The following CD200 variants were observed in gnomAD, a reference collection of about 807,000 sequenced individuals.
CD200 encodes CD200 molecule.
CD200 carries 15 observed loss-of-function variants against 30.9 expected under a neutral mutation model. That is an observed-to-expected ratio of 0.49 (90% CI 0.32 to 0.75). The LOEUF is 0.75. Among genes scored for constraint, CD200 ranks in the 30% least tolerant of loss-of-function variants. The pLI is 0.03. For synonymous variants in CD200, 134 were observed against 126.2 expected (o/e 1.06, Z -0.41); for missense variants, 262 against 324.2 (o/e 0.81, Z 1.47).
chr3:112,333,136 G>C (rs543166771), upstream of CD200: 1,876 of 1,541,786 alleles, frequency 1.2e-3, 5 homozygotes, highest in Non-Finnish European at 1.4e-3. Flanking sequence ...CACAGGTGAC[G>C]CTCCTCCCGC....
At chr3:112,358,686 T>G (rs1021351867) in intron 5 of CD200, among the ~76,000 whole-genome samples, 2 of 152,198 alleles carry the variant, frequency 1.3e-5, no homozygotes, top group African/African-American at 2.4e-5. Flanking sequence ...AAGGTGCTTG[T>G]AGATCCAAAG....
intron 3 of CD200, among the ~76,000 whole-genome samples, chr3:112,346,829 G>C (rs1189759835): frequency 6.6e-6 from 1 of 152,110 alleles, no homozygotes; most frequent in Admixed American, 6.6e-5. Context: ...ACTAGTCAGG[G>C]GATTTTCAAA....
chr3:112,353,561 T>C (rs980223102), intron 5 of CD200, among the ~76,000 whole-genome samples: 3 of 152,240 alleles, frequency 2.0e-5, no homozygotes, highest in African/African-American at 7.2e-5. Context: ...CGTCATTTCC[T>C]GGATAACAGC....
At chr3:112,359,963 C>T (rs540268049) in intron 5 of CD200, among the ~76,000 whole-genome samples, 1 of 152,306 alleles carries the variant, frequency 6.6e-6, no homozygotes, top group East Asian at 1.9e-4. Flanking sequence ...ATAATCCAGC[C>T]ATGGAGGAGA....
intron 5 of CD200, among the ~76,000 whole-genome samples, chr3:112,361,246 A>G (rs1184088596): frequency 6.6e-6 from 1 of 151,806 alleles, no homozygotes; most frequent in African/African-American, 2.4e-5. Flanking sequence ...AGGTCTTACT[A>G]TGTTGCCCAG....
intron 5 of CD200, among the ~76,000 whole-genome samples, chr3:112,358,683 T>C (rs1291935475): frequency 1.3e-5 from 2 of 152,008 alleles, no homozygotes; most frequent in Non-Finnish European, 2.9e-5. Context: ...CTGAAGGTGC[T>C]TGTAGATCCA....
chr3:112,344,894 T>G, intron 2 of CD200, 68 bp from the exon 3 acceptor site: 1 of 1,178,318 alleles, frequency 8.5e-7, no homozygotes, highest in Non-Finnish European at 1.2e-6. Context: ...TACATTTTAT[T>G]TATAATCAGG....
intron 1 of CD200, chr3:112,335,759 G>A: frequency 1.6e-6 from 1 of 614,424 alleles, no homozygotes; most frequent in Non-Finnish European, 2.9e-6. Context: ...GGCAGTTAGA[G>A]TGAATGCTGA....
intron 1 of CD200, among the ~76,000 whole-genome samples, chr3:112,340,330 G>C (rs868028615): frequency 6.6e-6 from 1 of 152,106 alleles, no homozygotes; most frequent in Non-Finnish European, 1.5e-5. Flanking sequence ...TAAGAAGGCC[G>C]AGGATTTCTG....
At chr3:112,347,911 T>G in intron 4 of CD200, 81 bp downstream of exon 4, 2 of 1,266,816 alleles carry the variant, frequency 1.6e-6, no homozygotes, top group Non-Finnish European at 2.2e-6. Context: ...GCAGAGGTTT[T>G]CAGCCTCTTA....
rs879786648 is a variant in CD200 at position 112,360,333 on chromosome 3, A to AAAAAAAAAAAT, written c.803-1209_803-1208insAAAAAAAAATA. 3.7e-3 allele frequency among the ~76,000 whole-genome samples: 529 copies of AAAAAAAAAAAT among 141,278 alleles called. 8 individuals are homozygous for AAAAAAAAAAAT. Among genetic ancestry groups the AAAAAAAAAAAT allele is most frequent in the African/African-American group, 0.011 (451 of 39,510 alleles). The allele number at this position is 141,278 out of a possible 152,430, so 92.7% of individuals were successfully genotyped here. On this transcript the variant is annotated intron_variant, in intron 5 of 5. Transcript: ENST00000315711. ...ACACAGTGAGACTTCATCTAAAAAA[A>AAAAAAAAAAAT]ATATATATATATATGTATATATTTT...
At chr3:112,351,915 C>T (rs2108462747) in intron 5 of CD200, among the ~76,000 whole-genome samples, 1 of 152,220 alleles carries the variant, frequency 6.6e-6, no homozygotes, top group Admixed American at 6.5e-5. Flanking sequence ...AGGGTGCTGC[C>T]AGGCTGTTTT....
chr3:112,345,125 CCAGCCTGCCTATAAG>C lies in CD200; in HGVS notation c.259_273del (p.Gln87_Lys91del). On this transcript the variant is annotated inframe_deletion, in exon 3 of 6. Coordinates refer to ENST00000315711, the MANE Select transcript of CD200 (RefSeq NM_005944.7). Reference sequence around the variant, plus strand: ...TCAGCGAGAACCATGGGGTGGTGATCCAGCCTGCCTATAAGGACAAGATAAACATTACCCAGCTGG... The same window carrying C: ...TCAGCGAGAACCATGGGGTGGTGATCGACAAGATAAACATTACCCAGCTGG... The C allele has an allele frequency of 6.2e-7, 1 of 1,614,040 alleles. No homozygotes were observed. Among genetic ancestry groups the C allele is most frequent in the South Asian group, 1.1e-5 (1 of 91,082 alleles).
At chr3:112,352,128 G>C (rs1180596660) in intron 5 of CD200, among the ~76,000 whole-genome samples, 1 of 152,102 alleles carries the variant, frequency 6.6e-6, no homozygotes. Flanking sequence ...AGATAATTTG[G>C]CATCATACAC....
At chr3:112,361,287 C>A (rs1414295487) in intron 5 of CD200, among the ~76,000 whole-genome samples, 1 of 151,994 alleles carries the variant, frequency 6.6e-6, no homozygotes, top group East Asian at 1.9e-4. Flanking sequence ...CTCAAATGAT[C>A]CTCCCGCCTC....
intron 1 of CD200, among the ~76,000 whole-genome samples, chr3:112,338,060 C>T (rs544402214): frequency 3.3e-5 from 5 of 152,238 alleles, no homozygotes; most frequent in Admixed American, 6.5e-5. Context: ...TCTGAATCCA[C>T]GGATACAGAA....
upstream of CD200, chr3:112,332,979 G>GA (rs1351258178): frequency 5.0e-6 from 3 of 598,568 alleles, no homozygotes; most frequent in Non-Finnish European, 8.6e-6. Context: ...TTTGAAAAGG[G>GA]AAAAATGTCT....
At chr3:112,338,289 G>A (rs535518457) in intron 1 of CD200, among the ~76,000 whole-genome samples, 26 of 152,310 alleles carry the variant, frequency 1.7e-4, no homozygotes, top group African/African-American at 5.8e-4. Context: ...CATCCTGGAT[G>A]ACTTGAGTGC....
intron 5 of CD200, 65 bp from the exon 6 acceptor site, chr3:112,361,477 CT>C: frequency 8.3e-7 from 1 of 1,205,240 alleles, no homozygotes; most frequent in Non-Finnish European, 1.2e-6. Flanking sequence ...TATTTATCTT[CT>C]TAAAATGTAT....
Sources: allele counts gnomAD v4.1 joint callset (sites outside exome capture counted in the v4.1 genomes callset), GRCh38; gene constraint gnomAD v4.1.1; transcripts MANE v1.5; gene names NCBI Gene and HGNC (gene_info 2026-07-23, HGNC 2026-07-21).